Variants in ARID1A observed in about 807,000 individuals in gnomAD.
ARID1A encodes the protein AT-rich interactive domain-containing protein 1A.
In ARID1A, 20 loss-of-function variants were observed where a neutral mutation model predicts 212.6. That is an observed-to-expected ratio of 0.09 (90% confidence interval 0.07 to 0.14). ARID1A has a LOEUF of 0.14. Among genes scored for constraint, ARID1A ranks in the 10% least tolerant of loss-of-function variants. The pLI is 1.00. For missense variants in ARID1A, 2,587 were observed against 3,059.0 expected, an observed-to-expected ratio of 0.85 and a Z score of 3.64; for synonymous variants, 1,376 against 1,222.1, an observed-to-expected ratio of 1.13 and a Z score of -2.63.
intron 4 of ARID1A, among the ~76,000 whole-genome samples, chr1:26,755,521 G>T (rs1020381814): frequency 1.3e-5 from 2 of 152,184 alleles, no homozygotes; most frequent in Non-Finnish European, 2.9e-5. Flanking sequence ...TCCTGAAGAA[G>T]GGGAAGCCAC....
chr1:26,751,083 C>T (rs35218228), intron 4 of ARID1A, among the ~76,000 whole-genome samples: 154 of 151,720 alleles, frequency 1.0e-3, no homozygotes, highest in Non-Finnish European at 1.8e-3. Context: ...GGTGAAACCC[C>T]GTCTCTACTA....
intron 4 of ARID1A, among the ~76,000 whole-genome samples, chr1:26,735,755 G>C (rs978233445): frequency 3.9e-5 from 6 of 152,188 alleles, no homozygotes; most frequent in Non-Finnish European, 1.5e-5. Flanking sequence ...GACCAGGGAT[G>C]GCACTTTGAG....
intron 4 of ARID1A, among the ~76,000 whole-genome samples, chr1:26,750,771 T>G (rs1321005738): frequency 6.6e-6 from 1 of 151,960 alleles, no homozygotes; most frequent in East Asian, 1.9e-4. Flanking sequence ...TCTGCTTGTT[T>G]CCCTACATTC....
chr1:26,772,756 G>A (rs2124106037), intron 13 of ARID1A, 56 bp from the exon 14 acceptor site: 2 of 1,606,512 alleles, frequency 1.2e-6, no homozygotes, highest in Non-Finnish European at 1.7e-6. Flanking sequence ...CGTGTCCTTT[G>A]TTATATTGGA....
intron 16 of ARID1A, 29 bp from the exon 17 acceptor site, chr1:26,773,773 C>T (rs2081107202): frequency 6.2e-7 from 1 of 1,614,208 alleles, no homozygotes; most frequent in Non-Finnish European, 8.5e-7. Context: ...ACTGCCCACC[C>T]TAATCCTGTG....
chr1:26,781,159 T>TA lies in ARID1A; in HGVS notation c.*421dup, dbSNP rs71007893. On this transcript the variant is annotated 3_prime_UTR_variant, in exon 20 of 20. Coordinates refer to ENST00000324856, the MANE Select transcript of ARID1A (RefSeq NM_006015.6). ...CACATTTCATAACTGTTTTTAATGG[T>TA]AAAAAAAAAAAAAAAAAATACAAAA... is the stretch of plus-strand genomic sequence containing the variant. 3,380 of 194,936 alleles carry TA rather than the reference T, an allele frequency of 0.017. 10 individuals carry two copies. Among genetic ancestry groups the TA allele is most frequent in the Middle Eastern group, 0.031 (22 of 702 alleles). The allele number at this position is 194,936 out of a possible 1,614,324, so 12.1% of individuals were successfully genotyped here. A position where few individuals can be genotyped will look rare whatever the true frequency, so the allele number is the denominator to read the frequency against.
At chr1:26,729,549 C>G (rs2080652495) in intron 1 of ARID1A, 102 bp from the exon 2 acceptor site, 1 of 1,337,670 alleles carries the variant, frequency 7.5e-7, no homozygotes, top group African/African-American at 1.5e-5. Flanking sequence ...AACTGTATTT[C>G]TTTATAGCAT....
intron 1 of ARID1A, among the ~76,000 whole-genome samples, chr1:26,710,121 C>T (rs533110210): frequency 1.4e-5 from 2 of 146,664 alleles, no homozygotes; most frequent in East Asian, 2.1e-4. Flanking sequence ...TGTGAGCCAC[C>T]GCACCCGGCC....
intron 4 of ARID1A, among the ~76,000 whole-genome samples, chr1:26,753,783 C>T (rs1212391738): frequency 6.6e-6 from 1 of 152,194 alleles, no homozygotes; most frequent in Non-Finnish European, 1.5e-5. Context: ...TAGGTGTGCT[C>T]TTTTGGGAGA....
At position 26,766,600 on chromosome 1, in the gene ARID1A, G is replaced by A. The variant is rs766394519; in HGVS notation, c.2988+34G>A. On this transcript the variant is annotated intron_variant, in intron 10 of 19. Transcript: ENST00000324856. Reference sequence around the variant, plus strand: ...TTTTGTCTTGACTCCTTTCAACTTTGTGTCCTATCTTTTTCAGTGATAGGA... The same window carrying A: ...TTTTGTCTTGACTCCTTTCAACTTTATGTCCTATCTTTTTCAGTGATAGGA... 2.6e-6 allele frequency: 4 copies of A among 1,559,372 alleles called. No individual in the cohort carries two copies. The South Asian group carries it at 3.5e-5, about 14-fold the overall frequency.
At chr1:26,718,298 T>C (rs543510201) in intron 1 of ARID1A, among the ~76,000 whole-genome samples, 4 of 152,312 alleles carry the variant, frequency 2.6e-5, no homozygotes, top group East Asian at 3.9e-4. Flanking sequence ...TTATTTACTT[T>C]ATTCGACCCT....
intron 1 of ARID1A, among the ~76,000 whole-genome samples, chr1:26,723,728 A>G (rs964517551): frequency 1.3e-5 from 2 of 151,982 alleles, no homozygotes; most frequent in Non-Finnish European, 2.9e-5. Flanking sequence ...TTCCCAGCTT[A>G]CTGTACTGGG....
chr1:26,711,925 C>A (rs998607777), intron 1 of ARID1A, among the ~76,000 whole-genome samples: 73 of 151,254 alleles, frequency 4.8e-4, no homozygotes, highest in Middle Eastern at 3.4e-3. Flanking sequence ...TCTACAAAAA[C>A]AAAAAAATCA....
rs1557568946 is a variant in ARID1A at position 26,696,422 on chromosome 1, CCCG to C, written c.28_30del (p.Ala10del). The C allele has an allele frequency of 7.0e-6, 9 of 1,287,052 alleles. No homozygotes were observed. The highest frequency in any genetic ancestry group is 3.8e-5 in the Admixed American group (1 of 26,310). 79.7% of individuals were successfully genotyped at this position (1,287,052 alleles called of 1,614,324 possible). On this transcript the variant is annotated inframe_deletion, in exon 1 of 20. Transcript: ENST00000324856. ...GGGGATCATGGCCGCGCAGGTCGCC[CCCG>C]CCGCCGCCAGCAGCCTGGGCAACCC...
intron 1 of ARID1A, among the ~76,000 whole-genome samples, chr1:26,710,219 A>G (rs1345143018): frequency 6.7e-6 from 1 of 148,604 alleles, no homozygotes; most frequent in Non-Finnish European, 1.5e-5. Context: ...GTGGATCACA[A>G]GGTCAAGAGA....
chr1:26,743,866 A>G (rs1243946567), intron 4 of ARID1A, among the ~76,000 whole-genome samples: 1 of 152,070 alleles, frequency 6.6e-6, no homozygotes, highest in African/African-American at 2.4e-5. Flanking sequence ...ATTTCATGAT[A>G]GAAGGAGAGA....
chr1:26,718,555 T>C (rs910342406), intron 1 of ARID1A, among the ~76,000 whole-genome samples: 1 of 152,182 alleles, frequency 6.6e-6, no homozygotes, highest in Admixed American at 6.5e-5. Flanking sequence ...CTGAAATTTG[T>C]GGAATATATA....
chr1:26,752,046 C>G (rs752056278), intron 4 of ARID1A, among the ~76,000 whole-genome samples: 14 of 152,284 alleles, frequency 9.2e-5, no homozygotes, highest in Non-Finnish European at 1.6e-4. Flanking sequence ...ACACATTTTT[C>G]TAAACCTTTC....
chr1:26,736,729 C>G (rs1049992765), intron 4 of ARID1A, among the ~76,000 whole-genome samples: 18 of 151,012 alleles, frequency 1.2e-4, no homozygotes, highest in African/African-American at 4.1e-4. Context: ...ACGGAGAAAC[C>G]CCGTCTCTAC....
Sources: allele counts gnomAD v4.1 joint callset (sites outside exome capture counted in the v4.1 genomes callset), GRCh38; gene constraint gnomAD v4.1.1; transcripts MANE v1.5; gene names NCBI Gene and HGNC (gene_info 2026-07-23, HGNC 2026-07-21).